IQGAP1: variants seen among roughly 807,000 people sequenced by gnomAD.
IQGAP1 encodes the protein ras GTPase-activating-like protein IQGAP1.
IQGAP1 carries 66 observed loss-of-function variants against 215.6 expected under a neutral mutation model. That is an observed-to-expected ratio of 0.31 (90% CI 0.25 to 0.38). The LOEUF (loss-of-function observed/expected upper bound fraction) is 0.38, where lower values mean the gene tolerates loss of function less well. Among genes scored for constraint, IQGAP1 ranks in the 10% least tolerant of loss-of-function variants. IQGAP1 has a pLI of 1.00. For missense variants in IQGAP1, 1,712 were observed against 1,997.1 expected (o/e 0.86, Z 2.72); for synonymous variants, 772 against 728.7 (o/e 1.06, Z -0.96).
chr15:90,439,855 A>G (rs190500390), intron 6 of IQGAP1, among the ~76,000 whole-genome samples: 1 of 152,178 alleles, frequency 6.6e-6, no homozygotes, highest in African/African-American at 2.4e-5. Context: ...GGGTGTTTCT[A>G]TGTGTATTTG....
intron 33 of IQGAP1, among the ~76,000 whole-genome samples, chr15:90,490,714 A>G (rs1239943900): frequency 6.6e-6 from 1 of 151,810 alleles, no homozygotes; most frequent in Non-Finnish European, 1.5e-5. Context: ...GAGAAAAATG[A>G]CTTTGTAGCC....
intron 2 of IQGAP1, among the ~76,000 whole-genome samples, chr15:90,409,040 G>A (rs1567116420): frequency 6.6e-6 from 1 of 152,006 alleles, no homozygotes; most frequent in Non-Finnish European, 1.5e-5. Context: ...GTGTGATCTA[G>A]ATCCTATCCC....
At position 90,389,006 on chromosome 15, in the gene IQGAP1, G is replaced by A. The variant is rs558101119; in HGVS notation, c.55+610G>A. The stretch of plus-strand genomic sequence containing the variant: ...TCATTTTCTGTTGTCGGCCCTGGAC[G>A]TCATTGAACTGCAGGCAGGATTGGC... On this transcript the variant is annotated intron_variant, in intron 1 of 37. Transcript: ENST00000268182. Among the ~76,000 whole-genome samples the A allele has an allele frequency of 9.9e-5, 15 of 152,284 alleles. No homozygotes were observed. The South Asian group carries it at 2.9e-3, about 29-fold the overall frequency.
chr15:90,475,865 T>C (rs1181058573), intron 23 of IQGAP1: 1 of 151,926 alleles, frequency 6.6e-6, no homozygotes, highest in African/African-American at 2.4e-5. Flanking sequence ...ACCCCAGTCA[T>C]TTTGTATCTT....
intron 2 of IQGAP1, among the ~76,000 whole-genome samples, chr15:90,423,960 C>G (rs1965184486): frequency 6.6e-6 from 1 of 152,076 alleles, no homozygotes; most frequent in Non-Finnish European, 1.5e-5. Flanking sequence ...GCAAAAGTAT[C>G]TACTGTGCTC....
chr15:90,422,489 C>G (rs145616432), intron 2 of IQGAP1, among the ~76,000 whole-genome samples: 3 of 151,386 alleles, frequency 2.0e-5, no homozygotes, highest in African/African-American at 7.3e-5. Flanking sequence ...ACATAAATGT[C>G]TAAGATAGGT....
chr15:90,402,305 G>A (rs1483514508), intron 2 of IQGAP1, among the ~76,000 whole-genome samples: 1 of 152,190 alleles, frequency 6.6e-6, no homozygotes, highest in Non-Finnish European at 1.5e-5. Flanking sequence ...TTGTTAAAGA[G>A]TTACCTCATA....
intron 2 of IQGAP1, among the ~76,000 whole-genome samples, chr15:90,400,459 G>C (rs529151985): frequency 6.6e-6 from 1 of 152,288 alleles, no homozygotes; most frequent in African/African-American, 2.4e-5. Context: ...TCATGAAGAA[G>C]AGTGTGGCAC....
chr15:90,493,608 C>T (rs1269763456), intron 35 of IQGAP1, among the ~76,000 whole-genome samples: 1 of 152,206 alleles, frequency 6.6e-6, no homozygotes, highest in Non-Finnish European at 1.5e-5. Flanking sequence ...ACCCATGTGC[C>T]CTTCACCTAG....
intron 23 of IQGAP1, chr15:90,475,702 A>C: frequency 6.6e-6 from 1 of 150,470 alleles, no homozygotes; most frequent in Admixed American, 6.6e-5. Context: ...GCAGTGAGCC[A>C]AGATTGCATG....
intron 2 of IQGAP1, among the ~76,000 whole-genome samples, chr15:90,419,480 A>ATTTG (rs1965103194): frequency 6.6e-6 from 1 of 152,196 alleles, no homozygotes; most frequent in African/African-American, 2.4e-5. Context: ...AGATTTGCTA[A>ATTTG]AGCAGTTCTG....
chr15:90,487,975 C>A (rs113417323), intron 33 of IQGAP1, among the ~76,000 whole-genome samples: 3,848 of 152,260 alleles, frequency 0.025, 134 homozygotes, highest in African/African-American at 0.084. Flanking sequence ...GTAATCCCAG[C>A]ACTTTGGGAG....
chr15:90,399,580 C>T (rs1418532635), intron 2 of IQGAP1, among the ~76,000 whole-genome samples: 2 of 152,070 alleles, frequency 1.3e-5, no homozygotes, highest in Non-Finnish European at 2.9e-5. Flanking sequence ...GTCAGTCTTT[C>T]GATTTGTAAT....
At chr15:90,390,475 G>C (rs1418553526) in intron 1 of IQGAP1, among the ~76,000 whole-genome samples, 8 of 152,224 alleles carry the variant, frequency 5.3e-5, no homozygotes, top group Non-Finnish European at 1.0e-4. Flanking sequence ...TATTTAGAAG[G>C]AGTTCTGGCA....
rs374353321 is a variant in IQGAP1, at chr15:90,474,148, C to G, written c.2575+15C>G. ...CAAGACTCTCAGTGAGTAACTGGCTCCGCATGAAGAGTTGAGGCAGTGGCT... is the reference window on the plus strand; with the variant it reads ...CAAGACTCTCAGTGAGTAACTGGCTGCGCATGAAGAGTTGAGGCAGTGGCT... On this transcript the variant is annotated intron_variant, in intron 22 of 37. Coordinates refer to ENST00000268182, the MANE Select transcript of IQGAP1 (RefSeq NM_003870.4). 5.6e-6 allele frequency: 9 copies of G among 1,600,356 alleles called. No homozygotes were observed. Among genetic ancestry groups the G allele is most frequent in the South Asian group, 2.2e-5 (2 of 89,040 alleles).
chr15:90,415,229 A>C (rs1965028692), intron 2 of IQGAP1, among the ~76,000 whole-genome samples: 1 of 152,186 alleles, frequency 6.6e-6, no homozygotes, highest in African/African-American at 2.4e-5. Flanking sequence ...TATTTTATGA[A>C]TTTTTAAATT....
chr15:90,430,727 C>G (rs577067279), intron 4 of IQGAP1, among the ~76,000 whole-genome samples: 1 of 151,694 alleles, frequency 6.6e-6, no homozygotes, highest in African/African-American at 2.4e-5. Context: ...TTTTATTTTC[C>G]TTGTACTTTC....
intron 2 of IQGAP1, among the ~76,000 whole-genome samples, chr15:90,414,946 A>G (rs762252100): frequency 1.4e-4 from 21 of 152,174 alleles, no homozygotes; most frequent in Non-Finnish European, 2.8e-4. Flanking sequence ...GCCGCAAGTC[A>G]CCAAATCATC....
At chr15:90,473,852 T>A in intron 20 of IQGAP1, 44 bp from the exon 21 acceptor site, 1 of 1,611,298 alleles carries the variant, frequency 6.2e-7, no homozygotes, top group African/African-American at 1.3e-5. Flanking sequence ...TAACACGTGT[T>A]GAGATGAAGG....
Sources: allele counts gnomAD v4.1 joint callset (sites outside exome capture counted in the v4.1 genomes callset), GRCh38; gene constraint gnomAD v4.1.1; transcripts MANE v1.5; gene names NCBI Gene and HGNC (gene_info 2026-07-23, HGNC 2026-07-21).